The following CELF2 variants were observed in gnomAD, a reference collection of about 807,000 sequenced individuals.
CELF2 encodes CUG triplet repeat RNA-binding protein 2.
CELF2 carries 8 observed loss-of-function variants against 62.6 expected under a neutral mutation model. The observed-to-expected ratio is 0.13, with a 90% CI of 0.07 to 0.23. CELF2 has a LOEUF of 0.23. Ranked by LOEUF, CELF2 falls within the 10% of genes least tolerant of loss-of-function variation. The pLI, the probability that CELF2 is intolerant of heterozygous loss-of-function variation, is 1.00. For missense variants in CELF2, 333 were observed against 671.0 expected, an observed-to-expected ratio of 0.50 and a Z score of 5.56; for synonymous variants, 258 against 250.0, an observed-to-expected ratio of 1.03 and a Z score of -0.30.
the CELF2 span, among the ~76,000 whole-genome samples, chr10:10,761,489 A>T: frequency 6.6e-5 from 10 of 152,180 alleles, no homozygotes; most frequent in Non-Finnish European, 1.2e-4. Flanking sequence ...ATATTTGGTC[A>T]AATATTATTC....
rs371379779 is a variant in CELF2 at position 11,061,976 on chromosome 10, G to A, written c.74+43813G>A. Among the ~76,000 whole-genome samples, 7 of 152,246 alleles carry A rather than the reference G, an allele frequency of 4.6e-5. No individual in the cohort carries two copies. The East Asian group carries it at 1.2e-3, about 25-fold the overall frequency. Reference sequence around the variant, plus strand: ...TATAGGCACCTGCCACCACGCCCAGGTAATTTTGTATTTTTAGTAGCGACG... The same window carrying A: ...TATAGGCACCTGCCACCACGCCCAGATAATTTTGTATTTTTAGTAGCGACG... On this transcript the variant is annotated intron_variant, in intron 1 of 12. Transcript: ENST00000633077.
chr10:11,101,602 T>C (rs925152894), intron 1 of CELF2, among the ~76,000 whole-genome samples: 3 of 152,216 alleles, frequency 2.0e-5, no homozygotes, highest in African/African-American at 7.2e-5. Flanking sequence ...AGTCAGATAT[T>C]GGCAACATCA....
intron 5 of CELF2, among the ~76,000 whole-genome samples, chr10:11,262,616 G>A (rs2081002633): frequency 6.6e-6 from 1 of 152,182 alleles, no homozygotes; most frequent in African/African-American, 2.4e-5. Flanking sequence ...AATGAGTGAT[G>A]TGTCTGTGCC....
chr10:10,816,484 A>G (rs1250497826), intron 1 of CELF2, among the ~76,000 whole-genome samples: 1 of 152,064 alleles, frequency 6.6e-6, no homozygotes, highest in African/African-American at 2.4e-5. Context: ...TAATTGTGAC[A>G]CTCTCTGTGT....
intron 2 of CELF2, among the ~76,000 whole-genome samples, chr10:10,965,941 C>T (rs1390738442): frequency 6.6e-6 from 1 of 152,148 alleles, no homozygotes; most frequent in Non-Finnish European, 1.5e-5. Flanking sequence ...TGTGTTTTGC[C>T]ATACATAGAA....
the CELF2 span, among the ~76,000 whole-genome samples, chr10:10,793,224 CTT>C: frequency 6.6e-6 from 1 of 152,156 alleles, no homozygotes; most frequent in Non-Finnish European, 1.5e-5. Flanking sequence ...TGTTCATAGA[CTT>C]TTCATTGTAC....
chr10:10,920,086 T>A, intron 2 of CELF2: 1 of 953,448 alleles, frequency 1.0e-6, no homozygotes, highest in Admixed American at 4.3e-5. Context: ...TAAGAGGTCT[T>A]CTCATTTTGT....
At chr10:10,752,802 T>TTA in the CELF2 span, among the ~76,000 whole-genome samples, 5 of 116,532 alleles carry the variant, frequency 4.3e-5, 1 homozygote, top group South Asian at 6.1e-4. Flanking sequence ...ATACCGGTAG[T>TTA]AAAAAAAAAA....
At chr10:10,765,878 C>T in the CELF2 span, among the ~76,000 whole-genome samples, 14 of 152,168 alleles carry the variant, frequency 9.2e-5, no homozygotes, top group African/African-American at 3.1e-4. Flanking sequence ...CACCAAGAGA[C>T]TGCAGAGGAA....
chr10:10,571,542 T>C, the CELF2 span, among the ~76,000 whole-genome samples: 1 of 152,130 alleles, frequency 6.6e-6, no homozygotes, highest in African/African-American at 2.4e-5. Context: ...GGTGACAGTT[T>C]GTACCAAGCA....
intron 2 of CELF2, among the ~76,000 whole-genome samples, chr10:11,195,943 TA>T (rs2057346948): frequency 6.6e-6 from 1 of 151,962 alleles, no homozygotes; most frequent in Non-Finnish European, 1.5e-5. Context: ...CACAAAATAT[TA>T]ATACTCTTTT....
intron 1 of CELF2, among the ~76,000 whole-genome samples, chr10:11,158,603 CT>C (rs2065029831): frequency 6.6e-6 from 1 of 152,088 alleles, no homozygotes; most frequent in African/African-American, 2.4e-5. Context: ...CAGGTACCCC[CT>C]AGATGTCTCC....
At chr10:10,487,179 A>G in the CELF2 span, among the ~76,000 whole-genome samples, 1 of 152,158 alleles carries the variant, frequency 6.6e-6, no homozygotes, top group Non-Finnish European at 1.5e-5. Context: ...TCCTTTCAAG[A>G]CAGCTCTTCT....
chr10:10,641,649 A>G, the CELF2 span, among the ~76,000 whole-genome samples: 3 of 152,046 alleles, frequency 2.0e-5, no homozygotes, highest in South Asian at 2.1e-4. Flanking sequence ...AGGTTTCACC[A>G]TGTTGGCCAG....
chr10:11,036,729 C>G (rs937355896), intron 1 of CELF2, among the ~76,000 whole-genome samples: 1 of 152,176 alleles, frequency 6.6e-6, no homozygotes, highest in African/African-American at 2.4e-5. Context: ...GCTGAGAGCC[C>G]GCTGGGGGTT....
At position 11,140,604 on chromosome 10, in the gene CELF2, A is replaced by G. The variant is rs529259480; in HGVS notation, c.75-24882A>G. On this transcript the variant is annotated intron_variant, in intron 1 of 12. Transcript: ENST00000633077. ...TATGAATAAGTTTTGGTATATTGGA[A>G]AAAAGTACACAATACTGTATTTGCT... Among the ~76,000 whole-genome samples the G allele has an allele frequency of 4.6e-5, 7 of 152,332 alleles. No homozygotes were observed. In the South Asian group the frequency reaches 1.4e-3, roughly 32 times the overall value.
intron 1 of CELF2, among the ~76,000 whole-genome samples, chr10:10,872,739 TG>T (rs1457350712): frequency 1.3e-5 from 2 of 152,250 alleles, no homozygotes; most frequent in East Asian, 1.9e-4. Flanking sequence ...AAATTTTTTT[TG>T]CACCCATGGG....
chr10:10,619,479 C>T, the CELF2 span, among the ~76,000 whole-genome samples: 9 of 152,334 alleles, frequency 5.9e-5, no homozygotes, highest in East Asian at 1.7e-3. Flanking sequence ...ATTGGGCTGA[C>T]TTTAGTCCAC....
chr10:10,588,152 G>T, the CELF2 span, among the ~76,000 whole-genome samples: 9 of 151,982 alleles, frequency 5.9e-5, no homozygotes, highest in East Asian at 1.2e-3. Flanking sequence ...GTTTGGCAAC[G>T]GGCAGTCTCT....
Sources: gnomAD v4.1 joint callset for allele counts (sites outside exome capture counted in the v4.1 genomes callset) on GRCh38, gnomAD v4.1.1 for gene constraint, MANE v1.5 for transcripts, NCBI Gene and HGNC (gene_info 2026-07-23, HGNC 2026-07-21) for gene names.